The following ERI2 variants were observed in gnomAD, a reference collection of about 807,000 sequenced individuals.
ERI2 encodes ERI1 exoribonuclease family member 2.
In ERI2, 35 loss-of-function variants were observed where a neutral mutation model predicts 46.8. The observed-to-expected ratio is 0.75, with a 90% CI of 0.57 to 0.99. The LOEUF is 0.99. Among genes scored for constraint, ERI2 ranks in the 50% least tolerant of loss-of-function variants. The probability of loss-of-function intolerance (pLI) is 0.00; values close to 1 mark genes in which losing one functional copy is unlikely to be tolerated. For missense variants in ERI2, 695 were observed against 796.2 expected, an observed-to-expected ratio of 0.87 and a Z score of 1.53; for synonymous variants, 224 against 271.0, an observed-to-expected ratio of 0.83 and a Z score of 1.70.
chr16:20,798,060 T>G lies in ERI2; in HGVS notation c.1740A>C (p.Thr580=), dbSNP rs1685036684. 6.4e-7 allele frequency: 1 copy of G among 1,551,688 alleles called. No homozygotes were observed. Among genetic ancestry groups the G allele is most frequent in the Non-Finnish European group, 8.7e-7 (1 of 1,146,932 alleles). ...TCTTCCATGGCTCTTGTAGGTTAAC[T>G]GTAGAAGTTAATATAGATGGGAGAC... ...WRRLPSILTS[T]VNLQEPWKSG... The change falls in exon 9 of 9, where the codon ACA becomes ACC. Residue 580 remains threonine (T), a synonymous_variant. Transcript: ENST00000357967.
Position 20,786,703 on chromosome 16 carries a change from C to T in ERI2, c.894+2776G>A, listed in dbSNP as rs542935707. ...GTCTCTAAATAAATAAATATTAACC[C>T]ATTGAATTTCCAGAAGAAACCCTAT... On this transcript the variant is annotated intron_variant, in intron 10 of 10. Coordinates refer to the ERI2 transcript ENST00000300005. 3.3e-5 allele frequency among the ~76,000 whole-genome samples: 5 copies of T among 152,218 alleles called. No homozygotes were observed. The South Asian group carries it at 6.2e-4, about 19-fold the overall frequency.
In ERI2 at chr16:20,796,424, C is replaced by A. The variant is rs1478990441; in HGVS notation, c.*1300G>T. 6.2e-7 allele frequency: 1 copy of A among 1,613,780 alleles called. No individual in the cohort carries two copies. The highest frequency in any genetic ancestry group is 1.1e-5 in the South Asian group (1 of 91,054). ...TGATTACAAGTCACATGATCAAGAACAACTAATAAAGGAGATTCAGGAGCA... is the reference window on the plus strand; with the variant it reads ...TGATTACAAGTCACATGATCAAGAAAAACTAATAAAGGAGATTCAGGAGCA... On this transcript the variant is annotated 3_prime_UTR_variant, in exon 9 of 9. Coordinates refer to ENST00000357967, the MANE Select transcript of ERI2 (RefSeq NM_001142725.2).
chr16:20,785,936 AC>A (rs1307435772), intron 10 of ERI2: 1 of 505,092 alleles, frequency 2.0e-6, no homozygotes, highest in Non-Finnish European at 3.5e-6. Context: ...TGTTATCACT[AC>A]ATTCCATGAG....
chr16:20,795,300 G>A (rs1445748611), downstream of ERI2, among the ~76,000 whole-genome samples: 1 of 152,138 alleles, frequency 6.6e-6, no homozygotes, highest in Admixed American at 6.5e-5. Context: ...CAGTACAGGC[G>A]TGACCCACTG....
downstream of ERI2, chr16:20,791,926 G>A (rs1056890503): frequency 6.1e-6 from 9 of 1,479,214 alleles, no homozygotes; most frequent in South Asian, 2.5e-5. Flanking sequence ...AGACTGTCTC[G>A]GAAAAAAAAA....
At chr16:20,781,850 AAAGATCTTTCTGCCT>A in intron 10 of ERI2, 2 of 1,311,740 alleles carry the variant, frequency 1.5e-6, no homozygotes, top group Non-Finnish European at 2.2e-6. Context: ...CTATAAAATA[AAAGATCTTTCTGCCT>A]GAAACATAGC....
chr16:20,781,925 C>T (rs1596524503), intron 10 of ERI2: 2 of 643,842 alleles, frequency 3.1e-6, no homozygotes, highest in Admixed American at 5.8e-5. Context: ...TCCTCTTTCT[C>T]CTTCTTGCCT....
At chr16:20,786,353 T>C (rs1331736306) in intron 10 of ERI2, 2 of 1,145,294 alleles carry the variant, frequency 1.7e-6, no homozygotes, top group African/African-American at 3.2e-5. Flanking sequence ...CAAATACCCA[T>C]ATTGTACCAT....
At position 20,796,487 on chromosome 16, in the gene ERI2, A is replaced by AAAAAACTAC. The variant is rs1350254660; in HGVS notation, c.*1236_*1237insGTAGTTTTT. On this transcript the variant is annotated 3_prime_UTR_variant, in exon 9 of 9. Coordinates refer to ENST00000357967, the MANE Select transcript of ERI2 (RefSeq NM_001142725.2). ...TACAGCACCTTACAAATATCCCAGA[A>AAAAAACTAC]AGGTAGGCATCCTAATTATAACGAA... 6.2e-7 allele frequency: 1 copy of AAAAAACTAC among 1,611,850 alleles called. No homozygotes were observed. The highest frequency in any genetic ancestry group is 1.7e-5 in the Admixed American group (1 of 59,386).
chr16:20,789,027 A>G (rs2080535225), intron 10 of ERI2, among the ~76,000 whole-genome samples: 1 of 152,208 alleles, frequency 6.6e-6, no homozygotes, highest in South Asian at 2.1e-4. Flanking sequence ...GTTTGAAGGT[A>G]TCTGGAGAAT....
At chr16:20,799,414 G>T in intron 7 of ERI2, 63 bp from the exon 8 acceptor site, 8 of 1,449,244 alleles carry the variant, frequency 5.5e-6, no homozygotes, top group South Asian at 1.3e-5. Flanking sequence ...TAGTACTAAA[G>T]AAATAACTTA....
chr16:20,784,921 T>A, intron 10 of ERI2: 1 of 1,540,592 alleles, frequency 6.5e-7, no homozygotes, highest in Admixed American at 2.1e-5. Context: ...TAAGAAATAA[T>A]CCTTAATCTT....
At chr16:20,795,811 T>C (rs900535756), downstream of ERI2, among the ~76,000 whole-genome samples, 2 of 152,226 alleles carry the variant, frequency 1.3e-5, no homozygotes, top group African/African-American at 4.8e-5. Flanking sequence ...AAGGGGGCTA[T>C]GAGGGATGGC....
chr16:20,794,943 A>G (rs768136493), downstream of ERI2, among the ~76,000 whole-genome samples: 30 of 152,254 alleles, frequency 2.0e-4, no homozygotes, highest in Non-Finnish European at 3.7e-4. Context: ...CAAGTTGTAG[A>G]AATCGTCAAT....
chr16:20,796,761 C>T lies in ERI2; in HGVS notation c.*963G>A. On this transcript the variant is annotated 3_prime_UTR_variant, in exon 9 of 9. Transcript: ENST00000357967. ...CCCTTTTCCCTATTTTGGCTGTTAC[C>T]CAAAACCCATTCCAAAGACTATTCT... 6.6e-7 allele frequency: 1 copy of T among 1,524,922 alleles called. No individual in the cohort carries two copies. Among genetic ancestry groups the T allele is most frequent in the Non-Finnish European group, 8.8e-7 (1 of 1,142,638 alleles). The allele number at this position is 1,524,922 out of a possible 1,614,324, so 94.5% of individuals were successfully genotyped here.
At chr16:20,792,580 C>T (rs1298042512), downstream of ERI2, 7 of 985,250 alleles carry the variant, frequency 7.1e-6, no homozygotes, top group Admixed American at 1.2e-4. Context: ...GAATTCCTTC[C>T]GTGGTGGACT....
At chr16:20,801,481 C>A (rs2080794978) in intron 4 of ERI2, 122 bp from the exon 5 acceptor site, 14 of 1,099,940 alleles carry the variant, frequency 1.3e-5, no homozygotes, top group Non-Finnish European at 1.8e-5. Flanking sequence ...GTCATGAAAA[C>A]ACAGTGTACT....
At chr16:20,786,206 A>C in intron 10 of ERI2, 1 of 1,591,540 alleles carries the variant, frequency 6.3e-7, no homozygotes, top group Non-Finnish European at 8.6e-7. Context: ...CAATCTGTAC[A>C]CTACCTACCT....
At position 20,799,983 on chromosome 16, in the gene ERI2, A is replaced by G. The variant is rs997506328; in HGVS notation, c.617T>C (p.Ile206Thr). The G allele has an allele frequency of 5.6e-6, 9 of 1,605,848 alleles. No homozygotes were observed. Among genetic ancestry groups the G allele is most frequent in the South Asian group, 1.1e-5 (1 of 90,056 alleles). Residue 206 changes from isoleucine (I) to threonine (T), a missense_variant, in exon 7 of 9, where the codon ATA becomes ACA. Physicochemically the swap from Ile to Thr is moderately conservative, Grantham distance 89. Transcript: ENST00000357967. ...AGAATGTTCTCGTCCTGAGAATTCT[A>G]TTCCTACTTCCTGCAAGGCACCACT... ...GLSGALQEVGIEFSGREHSGL... is the reference protein window; with the variant it reads ...GLSGALQEVGTEFSGREHSGL...
Sources: allele counts gnomAD v4.1 joint callset (sites outside exome capture counted in the v4.1 genomes callset), GRCh38; gene constraint gnomAD v4.1.1; transcripts MANE v1.5; gene names NCBI Gene and HGNC (gene_info 2026-07-23, HGNC 2026-07-21).